HNF4G: variants seen among roughly 807,000 people sequenced by gnomAD.
HNF4G encodes hepatocyte nuclear factor 4-gamma.
In HNF4G, 21 loss-of-function variants were observed where a neutral mutation model predicts 50.9. The observed-to-expected ratio is 0.41, with a 90% CI of 0.29 to 0.59. The LOEUF (loss-of-function observed/expected upper bound fraction) is 0.59. HNF4G is among the 20% of genes least tolerant of loss of function. HNF4G has a pLI of 0.26. For missense variants in HNF4G, 527 were observed against 559.4 expected (o/e 0.94, Z 0.58); for synonymous variants, 198 against 185.6 (o/e 1.07, Z -0.54).
rs191993897 is a variant in HNF4G at position 75,418,941 on chromosome 8, G to A, written c.-144+10779G>A. 2.0e-5 allele frequency among the ~76,000 whole-genome samples: 3 copies of A among 152,040 alleles called. No individual in the cohort carries two copies. The East Asian group carries it at 5.8e-4, about 29-fold the overall frequency. ...GGGTTTTCTCCATGTTGGCCACACC[G>A]ACCTCGAATTCCTGACCTCAGGTGA... is the stretch of plus-strand genomic sequence containing the variant. On this transcript the variant is annotated intron_variant, in intron 1 of 10. Coordinates refer to the HNF4G transcript ENST00000354370.
rs368746867 is a variant in HNF4G at position 75,478,533 on chromosome 8, A to G, written c.-143-11556A>G. ...TGAGTCCACCCTGAAAACTAAAGAA[A>G]GTGGCTTGTTAGACTCTTCAGTCCC... is the stretch of plus-strand genomic sequence containing the variant. On this transcript the variant is annotated intron_variant, in intron 1 of 10. Transcript: ENST00000354370. Among the ~76,000 whole-genome samples the G allele has an allele frequency of 1.3e-4, 20 of 152,232 alleles. No homozygotes were observed. The East Asian group carries it at 2.3e-3, about 18-fold the overall frequency.
intron 2 of HNF4G, chr8:75,526,847 A>G (rs71529219): frequency 0.05 from 7,584 of 151,608 alleles, 262 homozygotes; most frequent in Non-Finnish European, 0.072. Context: ...GCTCACTGCA[A>G]GCTCCGCCTC....
At chr8:75,560,546 A>C (rs1807280903) in intron 9 of HNF4G, 80 bp downstream of exon 9, 1 of 1,436,858 alleles carries the variant, frequency 7.0e-7, no homozygotes, top group Admixed American at 2.0e-5. Flanking sequence ...AGAATCTATT[A>C]GTAACCAGAA....
rs537023886 is a variant in HNF4G, at chr8:75,458,338, G to GACT, written c.-143-31747_-143-31745dup. Among the ~76,000 whole-genome samples, 13 of 144,882 alleles carry GACT rather than the reference G, an allele frequency of 9.0e-5. No individual in the cohort carries two copies. In the East Asian group the frequency reaches 2.5e-3, roughly 28 times the overall value. ...AAAGGAAAAAAATCAGCAGAAAGAAGACTACTGTTGGTTTATGTTTAATGG... is the reference window on the plus strand; with the variant it reads ...AAAGGAAAAAAATCAGCAGAAAGAAGACTACTACTGTTGGTTTATGTTTAATGG... On this transcript the variant is annotated intron_variant, in intron 1 of 10. Coordinates refer to the HNF4G transcript ENST00000354370.
intron 1 of HNF4G, among the ~76,000 whole-genome samples, chr8:75,429,045 A>G (rs1169795321): frequency 6.6e-6 from 1 of 152,212 alleles, no homozygotes; most frequent in Non-Finnish European, 1.5e-5. Context: ...TTTTGAGGGC[A>G]AAATATAAGG....
intron 1 of HNF4G, among the ~76,000 whole-genome samples, chr8:75,441,039 A>G (rs1811268227): frequency 6.6e-6 from 1 of 152,130 alleles, no homozygotes; most frequent in East Asian, 1.9e-4. Flanking sequence ...ATTTTTTTGT[A>G]GAGATAAGGT....
At chr8:75,471,632 C>G (rs1812116901) in intron 1 of HNF4G, among the ~76,000 whole-genome samples, 1 of 152,078 alleles carries the variant, frequency 6.6e-6, no homozygotes, top group African/African-American at 2.4e-5. Flanking sequence ...ATTTATCTTT[C>G]TTTCTTTTAA....
intron 2 of HNF4G, chr8:75,495,637 A>T (rs1298217758): frequency 6.7e-6 from 1 of 149,340 alleles, no homozygotes. Flanking sequence ...TCCCGAGTTC[A>T]TGCAATTCTT....
At position 75,521,006 on chromosome 8, in the gene HNF4G, TA is replaced by T. The variant is rs1472374190; in HGVS notation, c.-23-22799del. 4.6e-5 allele frequency among the ~76,000 whole-genome samples: 7 copies of T among 152,232 alleles called. No individual in the cohort carries two copies. In the South Asian group the frequency reaches 6.2e-4, roughly 14 times the overall value. Reference sequence around the variant, plus strand: ...AGTACTAATATATGTAATATTAATATAAAAAATGCCAAGTTTTCTGCATTTG... The same window carrying T: ...AGTACTAATATATGTAATATTAATATAAAAATGCCAAGTTTTCTGCATTTG... On this transcript the variant is annotated intron_variant, in intron 2 of 10. Transcript: ENST00000354370.
At chr8:75,454,968 T>A (rs1811684498) in intron 1 of HNF4G, among the ~76,000 whole-genome samples, 1 of 152,186 alleles carries the variant, frequency 6.6e-6, no homozygotes, top group African/African-American at 2.4e-5. Flanking sequence ...CACACGTATA[T>A]ATGTTAGCAT....
intron 1 of HNF4G, among the ~76,000 whole-genome samples, chr8:75,452,889 G>T (rs1203319844): frequency 2.0e-5 from 3 of 152,166 alleles, no homozygotes; most frequent in Non-Finnish European, 4.4e-5. Context: ...TTGAATGAGA[G>T]ATTATTGAAG....
intron 1 of HNF4G, among the ~76,000 whole-genome samples, chr8:75,481,150 T>G (rs1431804838): frequency 6.6e-6 from 1 of 152,226 alleles, no homozygotes; most frequent in Non-Finnish European, 1.5e-5. Flanking sequence ...ATTAGCTTCA[T>G]GCTTGGAATT....
At chr8:75,411,135 C>G (rs1810491020) in intron 1 of HNF4G, among the ~76,000 whole-genome samples, 1 of 152,192 alleles carries the variant, frequency 6.6e-6, no homozygotes, top group Non-Finnish European at 1.5e-5. Flanking sequence ...TGGGATAGAG[C>G]TGGGGATTCA....
chr8:75,566,155 G>A lies in HNF4G; in HGVS notation c.*2059G>A, dbSNP rs1221433183. On this transcript the variant is annotated 3_prime_UTR_variant, in exon 10 of 10. Coordinates refer to ENST00000396423, the MANE Select transcript of HNF4G (RefSeq NM_004133.5). ...CTGTTCTCAATGGTGGGAAGTCCAA[G>A]ATTAAGGGATCAACAAATTAGGCCT... 1 of 152,134 alleles carries A rather than the reference G, an allele frequency of 6.6e-6. No individual in the cohort carries two copies. The highest frequency in any genetic ancestry group is 1.5e-5 in the Non-Finnish European group (1 of 68,040). 9.4% of individuals were successfully genotyped at this position (152,134 alleles called of 1,614,324 possible). A position where few individuals can be genotyped will look rare whatever the true frequency, so the allele number is the denominator to read the frequency against.
chr8:75,466,636 CTCCCTTCCCTTCCCTTCCCT>C (rs368808035), intron 1 of HNF4G, among the ~76,000 whole-genome samples: 2,281 of 38,436 alleles, frequency 0.059, 196 homozygotes, highest in African/African-American at 0.14. Context: ...TTCCTTCCTT[CTCCCTTCCCTTCCCTTCCCT>C]TCCCTTCCCT....
intron 2 of HNF4G, among the ~76,000 whole-genome samples, chr8:75,534,079 C>A (rs547389027): frequency 6.6e-6 from 1 of 151,830 alleles, no homozygotes; most frequent in Non-Finnish European, 1.5e-5. Context: ...GGTACTGGCC[C>A]AAACTGATAA....
chr8:75,553,290 A>G (rs991699985), intron 5 of HNF4G, 93 bp downstream of exon 5: 3 of 960,228 alleles, frequency 3.1e-6, no homozygotes, highest in African/African-American at 3.3e-5. Context: ...TGCATATTCT[A>G]TATTACTGTA....
At chr8:75,526,705 ATTTT>A (rs1225334277) in intron 2 of HNF4G, among the ~76,000 whole-genome samples, 13 of 140,638 alleles carry the variant, frequency 9.2e-5, no homozygotes, top group African/African-American at 3.4e-4. Flanking sequence ...ACTAATTAAA[ATTTT>A]TTTTTTTTTT....
intron 1 of HNF4G, among the ~76,000 whole-genome samples, chr8:75,489,811 A>G (rs974841640): frequency 2.6e-5 from 4 of 152,208 alleles, no homozygotes; most frequent in Non-Finnish European, 5.9e-5. Flanking sequence ...AACATTGTGA[A>G]TGATCCTCCT....
Sources: gnomAD v4.1 joint callset for allele counts (sites outside exome capture counted in the v4.1 genomes callset) on GRCh38, gnomAD v4.1.1 for gene constraint, MANE v1.5 for transcripts, NCBI Gene and HGNC (gene_info 2026-07-23, HGNC 2026-07-21) for gene names.